KIAA2012: variants seen among roughly 807,000 people sequenced by gnomAD.
KIAA2012 encodes KIAA2012, also known as uncharacterized protein KIAA2012.
In KIAA2012, 125 loss-of-function variants were observed where a neutral mutation model predicts 150.6. The ratio of observed to expected loss-of-function variants is 0.83; its 90% CI spans 0.72 to 0.96. The LOEUF is 0.96. KIAA2012 is among the 40% of genes least tolerant of loss of function. The probability of loss-of-function intolerance (pLI) is 0.00; values close to 1 mark genes in which losing one functional copy is unlikely to be tolerated. For synonymous variants in KIAA2012, 462 were observed against 504.7 expected (o/e 0.92, Z 1.13); for missense variants, 1,219 against 1,354.9 (o/e 0.90, Z 1.57).
intron 22 of KIAA2012, among the ~76,000 whole-genome samples, chr2:202,199,427 T>G (rs1692471709): frequency 6.6e-6 from 1 of 152,200 alleles, no homozygotes; most frequent in Admixed American, 6.5e-5. Flanking sequence ...CGGGCCACCA[T>G]GCTGGCTAGT....
At chr2:202,080,384 C>T (rs903700881) in intron 2 of KIAA2012, among the ~76,000 whole-genome samples, 7 of 152,128 alleles carry the variant, frequency 4.6e-5, no homozygotes, top group East Asian at 1.9e-4. Context: ...CCTTGTATAA[C>T]GAATAGAATA....
At chr2:202,102,745 C>A (rs1690079428) in intron 7 of KIAA2012, among the ~76,000 whole-genome samples, 1 of 152,154 alleles carries the variant, frequency 6.6e-6, no homozygotes, top group African/African-American at 2.4e-5. Context: ...GATTCACAGG[C>A]AGGATTAACA....
rs368485082 is a variant in KIAA2012, at chr2:202,151,354, G to A, written c.1909-3319G>A. 3.3e-5 allele frequency among the ~76,000 whole-genome samples: 5 copies of A among 151,938 alleles called. No individual in the cohort carries two copies. In the South Asian group the frequency reaches 8.3e-4, roughly 25 times the overall value. ...AGAGGTTGCAGTGAGCCAAGATTGC[G>A]CCACTGCACTCCAGCCTGGGCAACA... On this transcript the variant is annotated intron_variant, in intron 13 of 23. Coordinates refer to ENST00000498697, the MANE Select transcript of KIAA2012 (RefSeq NM_001277372.4).
intron 10 of KIAA2012, among the ~76,000 whole-genome samples, chr2:202,112,429 A>C (rs1165723659): frequency 2.0e-5 from 3 of 152,248 alleles, no homozygotes; most frequent in African/African-American, 7.2e-5. Context: ...AGAAAATATA[A>C]GTAAGCGTTT....
intron 12 of KIAA2012, among the ~76,000 whole-genome samples, chr2:202,129,656 G>A (rs1690878972): frequency 6.6e-6 from 1 of 152,086 alleles, no homozygotes; most frequent in African/African-American, 2.4e-5. Flanking sequence ...GTTGATTTCA[G>A]CTATTTGAAA....
intron 12 of KIAA2012, 45 bp from the exon 13 acceptor site, chr2:202,138,387 G>C (rs1303134232): frequency 7.0e-6 from 10 of 1,427,632 alleles, no homozygotes; most frequent in African/African-American, 1.4e-5. Flanking sequence ...ATGAGATCCA[G>C]ATCTGACCAC....
rs546716247 is a variant in KIAA2012 at position 202,085,039 on chromosome 2, G to A, written c.370-5731G>A. The stretch of plus-strand genomic sequence containing the variant: ...CACTGAAAATATTCTTCAACAGGTT[G>A]GAAGTGAGTAAGTAGATTTCACCCT... On this transcript the variant is annotated intron_variant, in intron 2 of 23. Transcript: ENST00000498697. 8.4e-4 allele frequency among the ~76,000 whole-genome samples: 128 copies of A among 152,258 alleles called. 1 individual carries two copies. The highest frequency in any genetic ancestry group is 4.7e-3 in the Admixed American group (72 of 15,298).
At chr2:202,156,659 G>A (rs781326314) in intron 14 of KIAA2012, among the ~76,000 whole-genome samples, 11 of 152,202 alleles carry the variant, frequency 7.2e-5, no homozygotes, top group Non-Finnish European at 1.6e-4. Flanking sequence ...GCCAAGGCGG[G>A]CAGATCACGA....
chr2:202,135,996 A>T (rs751260033), intron 12 of KIAA2012: 266 of 308,720 alleles, frequency 8.6e-4, no homozygotes, highest in East Asian at 1.3e-3. Flanking sequence ...TCAAATTTAA[A>T]AAAAAAAAAA....
chr2:202,110,965 C>T (rs939134659), intron 10 of KIAA2012, among the ~76,000 whole-genome samples: 11 of 152,176 alleles, frequency 7.2e-5, no homozygotes, highest in Non-Finnish European at 1.5e-4. Flanking sequence ...TCCCTAGAGA[C>T]GTTGTTTTCA....
Position 202,097,823 on chromosome 2 carries a change from C to T in KIAA2012, c.828+246C>T, listed in dbSNP as rs578139443. On this transcript the variant is annotated intron_variant, in intron 5 of 23. Transcript: ENST00000498697. ...CAGGCTGGTCTCAAACCCCTGAGCTCGGGCAATCTGCTGGCTTCAGCCTCC... is the reference window on the plus strand; with the variant it reads ...CAGGCTGGTCTCAAACCCCTGAGCTTGGGCAATCTGCTGGCTTCAGCCTCC... Among the ~76,000 whole-genome samples the T allele has an allele frequency of 4.6e-5, 7 of 152,156 alleles. No individual in the cohort carries two copies. The South Asian group carries it at 1.5e-3, about 32-fold the overall frequency.
chr2:202,150,232 G>C (rs1199409793), intron 13 of KIAA2012, among the ~76,000 whole-genome samples: 1 of 152,170 alleles, frequency 6.6e-6, no homozygotes, highest in Non-Finnish European at 1.5e-5. Context: ...ATTCAAATCA[G>C]CTTTACCAAA....
chr2:202,153,126 A>AATG (rs1691459718), intron 13 of KIAA2012, among the ~76,000 whole-genome samples: 1 of 152,200 alleles, frequency 6.6e-6, no homozygotes, highest in Admixed American at 6.5e-5. Context: ...GGTGGGCCAT[A>AATG]ACCTGTTAGT....
chr2:202,093,161 C>G lies in KIAA2012; in HGVS notation c.661C>G (p.Gln221Glu). Residue 221 changes from glutamine to glutamate, a missense_variant, in exon 4 of 24, where the codon CAA becomes GAA. Coordinates refer to ENST00000498697, the MANE Select transcript of KIAA2012 (RefSeq NM_001277372.4). Reference protein sequence around the residue: ...LLPVFPSFWIQQGKSFEQRQQ... With the variant: ...LLPVFPSFWIEQGKSFEQRQQ... ...GCCTGTCTTCCCTTCATTTTGGATT[C>G]AACAAGGAAAATCTTTTGAACAACG... is the stretch of plus-strand genomic sequence containing the variant. The G allele has an allele frequency of 6.4e-7, 1 of 1,551,176 alleles. No homozygotes were observed. The highest frequency in any genetic ancestry group is 8.7e-7 in the Non-Finnish European group (1 of 1,147,104).
chr2:202,133,963 TAA>T (rs1691011028), intron 12 of KIAA2012, among the ~76,000 whole-genome samples: 1 of 151,750 alleles, frequency 6.6e-6, no homozygotes, highest in Non-Finnish European at 1.5e-5. Flanking sequence ...CTTTTATGGT[TAA>T]GTTTATACTG....
At chr2:202,203,992 A>C (rs891008852) in intron 23 of KIAA2012, among the ~76,000 whole-genome samples, 2 of 151,526 alleles carry the variant, frequency 1.3e-5, no homozygotes, top group Non-Finnish European at 2.9e-5. Context: ...GATGGTCTCG[A>C]TCTCCTGACC....
chr2:202,158,092 T>G (rs1691566529), intron 14 of KIAA2012, among the ~76,000 whole-genome samples: 2 of 152,148 alleles, frequency 1.3e-5, no homozygotes. Context: ...CCTCCTGGGT[T>G]CATGCCATTC....
At chr2:202,125,349 C>A in intron 12 of KIAA2012, 67 bp downstream of exon 12, 1 of 1,233,176 alleles carries the variant, frequency 8.1e-7, no homozygotes, top group Non-Finnish European at 1.2e-6. Context: ...CATATTATTT[C>A]ATATATAGAC....
At chr2:202,134,576 C>CA (rs2105942261) in intron 12 of KIAA2012, among the ~76,000 whole-genome samples, 1 of 152,266 alleles carries the variant, frequency 6.6e-6, no homozygotes, top group Non-Finnish European at 1.5e-5. Context: ...TTTTTTGAGA[C>CA]AGAGTTTCGC....
Sources: gnomAD v4.1 joint callset for allele counts (sites outside exome capture counted in the v4.1 genomes callset) on GRCh38, gnomAD v4.1.1 for gene constraint, MANE v1.5 for transcripts, NCBI Gene and HGNC (gene_info 2026-07-23, HGNC 2026-07-21) for gene names.